Variants in DAB1 observed in about 807,000 individuals in gnomAD.
DAB1 encodes the protein disabled homolog 1.
A neutral mutation model predicts 64.6 loss-of-function variants in DAB1; 15 were observed. The observed-to-expected ratio is 0.23, with a 90% confidence interval of 0.16 to 0.36. DAB1 has a LOEUF of 0.36. DAB1 is among the 10% of genes least tolerant of loss of function. The probability of loss-of-function intolerance (pLI) is 1.00; values close to 1 mark genes in which losing one functional copy is unlikely to be tolerated. For synonymous variants in DAB1, 235 were observed against 251.9 expected (o/e 0.93, Z 0.64); for missense variants, 596 against 706.7 (o/e 0.84, Z 1.78).
intron 4 of DAB1, among the ~76,000 whole-genome samples, chr1:58,161,161 C>A (rs936871892): frequency 6.6e-6 from 1 of 152,184 alleles, no homozygotes; most frequent in African/African-American, 2.4e-5. Context: ...GAGTCTTCCC[C>A]TTTGTTCATT....
intron 2 of DAB1, among the ~76,000 whole-genome samples, chr1:57,194,554 C>T (rs771905583): frequency 2.6e-5 from 4 of 152,214 alleles, no homozygotes; most frequent in Non-Finnish European, 5.9e-5. Context: ...TACTATATCA[C>T]GTGGAAAAGC....
chr1:57,648,992 C>G (rs11809742), intron 7 of DAB1, among the ~76,000 whole-genome samples: 37,280 of 152,086 alleles, frequency 0.25, 4,935 homozygotes, highest in Admixed American at 0.34. Context: ...AAAGAATAGG[C>G]GTTTTCAATT....
intron 11 of DAB1, among the ~76,000 whole-genome samples, chr1:57,020,985 C>T (rs1179496818): frequency 6.6e-6 from 1 of 152,162 alleles, no homozygotes; most frequent in Non-Finnish European, 1.5e-5. Context: ...TCCCTGTCTC[C>T]TTATCACTGG....
intron 2 of DAB1, among the ~76,000 whole-genome samples, chr1:57,155,987 TC>T (rs1224216782): frequency 1.3e-5 from 2 of 152,114 alleles, no homozygotes; most frequent in African/African-American, 4.8e-5. Context: ...ACTTCTTCCA[TC>T]CCAATTTGGA....
rs71043292 is a variant in DAB1, at chr1:58,541,293, C to CAAAAAAAAA, written n.32+5401_32+5409dup. ...TGGGCAACAGAGTGAGACTCTGTCT[C>CAAAAAAAAA]AAAAAAAAAAAAAAAAAAAAAAAAA... On this transcript the variant is annotated intron_variant and non_coding_transcript_variant, in intron 1 of 20. Transcript: ENST00000485760. 2.9e-4 allele frequency among the ~76,000 whole-genome samples: 8 copies of CAAAAAAAAA among 27,570 alleles called. 1 individual carries two copies. The highest frequency in any genetic ancestry group is 1.8e-3 in the South Asian group (1 of 564). 18.1% of individuals were successfully genotyped at this position (27,570 alleles called of 152,430 possible).
intron 3 of DAB1, among the ~76,000 whole-genome samples, chr1:58,347,268 C>T (rs1027109344): frequency 9.2e-5 from 14 of 152,114 alleles, no homozygotes; most frequent in Admixed American, 2.0e-4. Context: ...CCACCATGTC[C>T]GGCTAATTTT....
intron 2 of DAB1, among the ~76,000 whole-genome samples, chr1:57,182,678 G>A (rs986746788): frequency 9.2e-5 from 14 of 152,270 alleles, no homozygotes; most frequent in African/African-American, 3.4e-4. Context: ...GTGAGCACAG[G>A]CCAGTCTCGG....
chr1:57,164,605 G>A (rs12059674), intron 2 of DAB1, among the ~76,000 whole-genome samples: 17,351 of 152,110 alleles, frequency 0.11, 2,941 homozygotes, highest in African/African-American at 0.37. Flanking sequence ...GACCAGCATC[G>A]TAACATGTAA....
chr1:57,015,483 A>G, intron 11 of DAB1, 52 bp from the exon 12 acceptor site: 5 of 1,502,884 alleles, frequency 3.3e-6, no homozygotes, highest in Non-Finnish European at 4.5e-6. Flanking sequence ...CCTGGGAAAG[A>G]AGGATGCATG....
upstream of DAB1, chr1:57,884,245 T>G (rs1326325013): frequency 6.6e-6 from 1 of 152,202 alleles, no homozygotes; most frequent in South Asian, 2.1e-4. Context: ...CAATGGGGTT[T>G]GAAGTGAATG....
In DAB1 at chr1:58,024,987, T is replaced by G. The variant is rs569416017; in HGVS notation, n.387+125524A>C. Among the ~76,000 whole-genome samples, 86 of 152,196 alleles carry G rather than the reference T, an allele frequency of 5.7e-4. 1 individual carries two copies. The South Asian group carries it at 0.015, about 27-fold the overall frequency. ...AGCCTCCATAATTGCATGAGTCAAT[T>G]CCTTATAACAAGTCTATCTACCATC... is the stretch of plus-strand genomic sequence containing the variant. On this transcript the variant is annotated intron_variant and non_coding_transcript_variant, in intron 5 of 20. Transcript: ENST00000485760.
At chr1:58,457,606 A>G (rs750573405) in intron 3 of DAB1, among the ~76,000 whole-genome samples, 5 of 152,202 alleles carry the variant, frequency 3.3e-5, no homozygotes, top group African/African-American at 1.2e-4. Flanking sequence ...AAAATAACGA[A>G]GGTGACATTT....
At chr1:58,211,879 T>C (rs1266121889) in intron 4 of DAB1, among the ~76,000 whole-genome samples, 2 of 152,146 alleles carry the variant, frequency 1.3e-5, no homozygotes, top group East Asian at 3.9e-4. Flanking sequence ...AACAGACACA[T>C]AAGAAATCGT....
At chr1:57,647,199 CTTT>C (rs1197785539) in intron 7 of DAB1, among the ~76,000 whole-genome samples, 4 of 152,318 alleles carry the variant, frequency 2.6e-5, no homozygotes, top group Middle Eastern at 3.4e-3. Context: ...CTCGTTTCTT[CTTT>C]ATCTCCACTG....
At chr1:57,816,469 T>C (rs1219693279) in intron 6 of DAB1, among the ~76,000 whole-genome samples, 1 of 152,224 alleles carries the variant, frequency 6.6e-6, no homozygotes, top group African/African-American at 2.4e-5. Flanking sequence ...CATCATTCAT[T>C]ATCTGGCTTT....
intron 1 of DAB1, among the ~76,000 whole-genome samples, chr1:58,536,934 C>G (rs536680713): frequency 6.6e-6 from 1 of 152,176 alleles, no homozygotes; most frequent in African/African-American, 2.4e-5. Context: ...TGTAAAGTTA[C>G]AGTTAAAAAA....
In DAB1 at chr1:57,392,535, G is replaced by A. The variant is rs115390002; in HGVS notation, c.-137+31395C>T. Among the ~76,000 whole-genome samples the A allele has an allele frequency of 6.4e-3, 971 of 152,254 alleles. 4 individuals are homozygous for A. The highest frequency in any genetic ancestry group is 9.0e-3 in the Non-Finnish European group (611 of 68,012). On this transcript the variant is annotated intron_variant, in intron 1 of 14. Transcript: ENST00000371236. Reference sequence around the variant, plus strand: ...TGCCACCTAAGACCTCAGTCTTCACGAGGAAAAACCTTAAACCAATAAATT... The same window carrying A: ...TGCCACCTAAGACCTCAGTCTTCACAAGGAAAAACCTTAAACCAATAAATT...
At chr1:58,100,258 C>T (rs1651235711) in intron 5 of DAB1, among the ~76,000 whole-genome samples, 1 of 152,198 alleles carries the variant, frequency 6.6e-6, no homozygotes, top group South Asian at 2.1e-4. Flanking sequence ...TCCTGCCTCA[C>T]CAATCCTTGG....
chr1:57,252,829 A>C (rs1308385131), intron 2 of DAB1, among the ~76,000 whole-genome samples: 1 of 152,204 alleles, frequency 6.6e-6, no homozygotes, highest in African/African-American at 2.4e-5. Flanking sequence ...AGGGAGGCAG[A>C]TGGTAGGCAG....
Sources: gnomAD v4.1 joint callset for allele counts (sites outside exome capture counted in the v4.1 genomes callset) on GRCh38, gnomAD v4.1.1 for gene constraint, MANE v1.5 for transcripts, NCBI Gene and HGNC (gene_info 2026-07-23, HGNC 2026-07-21) for gene names.